Variants in CCNJL observed in about 807,000 individuals in gnomAD.
CCNJL encodes cyclin-J-like protein.
Under a neutral mutation model 33.4 loss-of-function variants are expected in CCNJL, and 33 were observed. That is an observed-to-expected ratio of 0.99 (90% confidence interval 0.75 to 1.32). The LOEUF is 1.32. CCNJL is among the 40% of genes most tolerant of loss of function. The pLI, the probability that CCNJL is intolerant of heterozygous loss-of-function variation, is 0.00. For missense variants in CCNJL, 512 were observed against 499.7 expected (o/e 1.02, Z -0.23); for synonymous variants, 227 against 220.9 (o/e 1.03, Z -0.24).
At chr5:160,280,489 G>T (rs772079141) in intron 3 of CCNJL, 36 bp downstream of exon 3, 2 of 1,550,992 alleles carry the variant, frequency 1.3e-6, no homozygotes, top group Non-Finnish European at 1.8e-6. Context: ...GGAGGAGACC[G>T]CACAAGCGCG....
At chr5:160,327,856 GA>G (rs1423132018) in intron 1 of CCNJL, among the ~76,000 whole-genome samples, 14 of 152,088 alleles carry the variant, frequency 9.2e-5, no homozygotes, top group Admixed American at 9.2e-4. Context: ...GAAATCCAAA[GA>G]AGAACAAATT....
At chr5:160,335,539 C>A (rs1763670839) in intron 1 of CCNJL, among the ~76,000 whole-genome samples, 2 of 152,036 alleles carry the variant, frequency 1.3e-5, no homozygotes, top group Non-Finnish European at 2.9e-5. Flanking sequence ...ACTTAGTCTG[C>A]ATCATCTGAT....
intron 2 of CCNJL, among the ~76,000 whole-genome samples, chr5:160,292,187 G>A (rs893529855): frequency 1.3e-5 from 2 of 152,146 alleles, no homozygotes; most frequent in African/African-American, 2.4e-5. Context: ...TCTTTCCTCC[G>A]AAATTTAGCT....
intron 2 of CCNJL, among the ~76,000 whole-genome samples, chr5:160,299,170 G>A (rs1762846642): frequency 1.3e-5 from 2 of 151,396 alleles, no homozygotes; most frequent in Admixed American, 6.6e-5. Flanking sequence ...TTTTTTTTGA[G>A]ATGAGTTTCC....
At chr5:160,307,505 A>G (rs1165043048) in intron 2 of CCNJL, among the ~76,000 whole-genome samples, 1 of 152,106 alleles carries the variant, frequency 6.6e-6, no homozygotes, top group African/African-American at 2.4e-5. Flanking sequence ...TTAATTTTAA[A>G]CTTAGGTGGA....
intron 2 of CCNJL, among the ~76,000 whole-genome samples, chr5:160,311,644 T>C (rs144487808): frequency 1.3e-5 from 2 of 152,250 alleles, no homozygotes; most frequent in East Asian, 3.9e-4. Flanking sequence ...TCTGAGCTCC[T>C]TATCAGAAAA....
rs70990725 is a variant in CCNJL, at chr5:160,335,749, AT to A, written n.206+3695del. Among the ~76,000 whole-genome samples the A allele has an allele frequency of 8.1e-3, 1,142 of 140,726 alleles. 9 individuals carry two copies. The highest frequency in any genetic ancestry group is 0.026 in the African/African-American group (1,003 of 38,128). The allele number at this position is 140,726 out of a possible 152,430, so 92.3% of individuals were successfully genotyped here. Reference sequence around the variant, plus strand: ...ATCATGTCTAATTTTTTTTTTTGAAATTTTTTTTTTTTTTTGTAGAAACAAT... The same window carrying A: ...ATCATGTCTAATTTTTTTTTTTGAAATTTTTTTTTTTTTTGTAGAAACAAT... On this transcript the variant is annotated intron_variant and non_coding_transcript_variant, in intron 1 of 7. Transcript: ENST00000377503.
intron 1 of CCNJL, among the ~76,000 whole-genome samples, chr5:160,324,575 A>AAAAAAC (rs1453891258): frequency 2.0e-5 from 3 of 152,078 alleles, no homozygotes; most frequent in Non-Finnish European, 1.5e-5. Flanking sequence ...CTCGGTCTCC[A>AAAAAAC]AAAAACAAAA....
intron 2 of CCNJL, among the ~76,000 whole-genome samples, chr5:160,301,295 A>G (rs1161695747): frequency 6.6e-6 from 1 of 152,218 alleles, no homozygotes; most frequent in African/African-American, 2.4e-5. Flanking sequence ...AAAGGAGTAC[A>G]TATATATAAC....
At chr5:160,290,320 C>G (rs1005299711) in intron 2 of CCNJL, among the ~76,000 whole-genome samples, 13 of 151,200 alleles carry the variant, frequency 8.6e-5, no homozygotes, top group Admixed American at 7.9e-4. Flanking sequence ...GGGTGGAGTA[C>G]AGTGGCACGA....
intron 3 of CCNJL, among the ~76,000 whole-genome samples, chr5:160,265,807 C>A (rs557806895): frequency 1.3e-5 from 2 of 148,746 alleles, no homozygotes; most frequent in African/African-American, 5.0e-5. Context: ...GAGCCAAGAT[C>A]GGGGCACTGC....
rs372556581 is a variant in CCNJL at position 160,259,566 on chromosome 5, C to G, written c.486G>C (p.Lys162Asn). Residue 162 changes from lysine (K) to asparagine (N), a missense_variant, in exon 4 of 6, where the codon AAG becomes AAC. Coordinates refer to ENST00000257536, the MANE Select transcript of CCNJL (RefSeq NM_001308173.3). ...DYYLLASVSQ[K>N]DHHCHTWPTT... ...TGGGCCAGGTGTGGCAGTGGTGGTC[C>G]TTCTGGCTGACGGAGGCCAAGAGGT... 7.6e-5 allele frequency: 123 copies of G among 1,614,018 alleles called. No homozygotes were observed. The highest frequency in any genetic ancestry group is 9.8e-5 in the Non-Finnish European group (116 of 1,179,988).
rs1361380930 is a variant in CCNJL, at chr5:160,250,298, TC to T, written c.*3079del. On this transcript the variant is annotated 3_prime_UTR_variant, in exon 6 of 6. Coordinates refer to ENST00000257536, the MANE Select transcript of CCNJL (RefSeq NM_001308173.3). ...TCCAAAGTGAGGTGGGTGCTCTTGG[TC>T]AACCCAAGACTTGCCTTGTCTCTGA... 2 of 152,256 alleles carry T rather than the reference TC, an allele frequency of 1.3e-5. No homozygotes were observed. Among genetic ancestry groups the T allele is most frequent in the African/African-American group, 4.8e-5 (2 of 41,454 alleles). 9.4% of individuals were successfully genotyped at this position (152,256 alleles called of 1,614,324 possible). A position where few individuals can be genotyped will look rare whatever the true frequency, so the allele number is the denominator to read the frequency against.
intron 2 of CCNJL, among the ~76,000 whole-genome samples, chr5:160,303,309 G>C (rs1481464312): frequency 6.6e-6 from 1 of 152,056 alleles, no homozygotes; most frequent in African/African-American, 2.4e-5. Flanking sequence ...GGGTTCAAGC[G>C]ATTCTCCTGC....
At chr5:160,275,231 C>T (rs781009021) in intron 3 of CCNJL, among the ~76,000 whole-genome samples, 2 of 151,900 alleles carry the variant, frequency 1.3e-5, no homozygotes, top group African/African-American at 2.4e-5. Flanking sequence ...ATTACAGGTG[C>T]GTGCCACCAT....
At chr5:160,310,163 A>C (rs1330891704) in intron 2 of CCNJL, among the ~76,000 whole-genome samples, 1 of 152,224 alleles carries the variant, frequency 6.6e-6, no homozygotes, top group African/African-American at 2.4e-5. Context: ...ATGATAAACA[A>C]GGAAGCCCAA....
intron 4 of CCNJL, among the ~76,000 whole-genome samples, chr5:160,256,255 G>A (rs980795365): frequency 1.3e-5 from 2 of 152,184 alleles, no homozygotes; most frequent in Non-Finnish European, 2.9e-5. Flanking sequence ...CTCCCAGGGA[G>A]CAGCAAGGAG....
chr5:160,293,508 C>T (rs1762652147), intron 2 of CCNJL, among the ~76,000 whole-genome samples: 1 of 152,152 alleles, frequency 6.6e-6, no homozygotes, highest in Admixed American at 6.6e-5. Context: ...ACAAAGAGAA[C>T]TAAAGTCTCC....
intron 2 of CCNJL, 41 bp from the exon 3 acceptor site, chr5:160,280,779 C>A: frequency 7.3e-7 from 1 of 1,364,940 alleles, no homozygotes; most frequent in Non-Finnish European, 1.0e-6. Context: ...GTCAGGGCTG[C>A]CTCCTGAGAG....
Sources: gnomAD v4.1 joint callset for allele counts (sites outside exome capture counted in the v4.1 genomes callset) on GRCh38, gnomAD v4.1.1 for gene constraint, MANE v1.5 for transcripts, NCBI Gene and HGNC (gene_info 2026-07-23, HGNC 2026-07-21) for gene names.